Variants in EYS observed in about 807,000 individuals in gnomAD.
The protein encoded by EYS is protein eyes shut homolog.
A neutral mutation model predicts 282.1 loss-of-function variants in EYS; 250 were observed. That is an observed-to-expected ratio of 0.89 (90% CI 0.80 to 0.98). EYS has a LOEUF of 0.98. EYS is among the 50% of genes least tolerant of loss of function. The pLI, the probability that EYS is intolerant of heterozygous loss-of-function variation, is 0.00. For synonymous variants in EYS, 1,355 were observed against 1,282.9 expected (o/e 1.06, Z -1.20); for missense variants, 4,016 against 3,709.0 (o/e 1.08, Z -2.15).
At chr6:65,582,140 G>C (rs2127361243) in intron 2 of EYS, among the ~76,000 whole-genome samples, 1 of 151,802 alleles carries the variant, frequency 6.6e-6, no homozygotes, top group East Asian at 1.9e-4. Context: ...AGGTTGCAAT[G>C]AACTGAGATG....
chr6:63,974,319 A>T (rs1045712816), intron 35 of EYS, among the ~76,000 whole-genome samples: 8 of 150,938 alleles, frequency 5.3e-5, no homozygotes, highest in African/African-American at 1.7e-4. Flanking sequence ...TTTTCCTACT[A>T]AAAAAAACCA....
intron 29 of EYS, 107 bp from the exon 30 acceptor site, chr6:64,307,189 G>A: frequency 3.4e-6 from 2 of 587,450 alleles, no homozygotes; most frequent in Non-Finnish European, 5.9e-6. Context: ...TTTGGAGGCT[G>A]ATTTGATTTA....
chr6:65,350,398 T>C (rs1179737381), intron 9 of EYS, among the ~76,000 whole-genome samples: 1 of 151,500 alleles, frequency 6.6e-6, no homozygotes, highest in African/African-American at 2.4e-5. Flanking sequence ...CATTACTTTA[T>C]AAAGGAAAAA....
chr6:65,260,209 A>G (rs956876727), intron 12 of EYS, among the ~76,000 whole-genome samples: 3 of 152,034 alleles, frequency 2.0e-5, no homozygotes, highest in Non-Finnish European at 4.4e-5. Flanking sequence ...CTCACTCACT[A>G]TCAGAACAGC....
intron 1 of EYS, among the ~76,000 whole-genome samples, chr6:65,663,861 C>CTTTTTTTTT (rs1393753538): frequency 1.1e-5 from 1 of 90,866 alleles, no homozygotes; most frequent in Non-Finnish European, 2.4e-5. Context: ...TTTGTTTTTT[C>CTTTTTTTTT]TTTTCTTTTT....
chr6:64,682,816 T>G (rs1769946994), intron 22 of EYS, among the ~76,000 whole-genome samples: 1 of 152,182 alleles, frequency 6.6e-6, no homozygotes, highest in African/African-American at 2.4e-5. Flanking sequence ...TTAAATAAAC[T>G]TCCGCTCCTG....
intron 41 of EYS, among the ~76,000 whole-genome samples, chr6:63,729,936 G>A (rs1475593805): frequency 6.6e-6 from 1 of 152,048 alleles, no homozygotes; most frequent in Non-Finnish European, 1.5e-5. Flanking sequence ...TCTTCTGTCA[G>A]CTTCAGTTTT....
chr6:64,556,820 T>C (rs998398245), intron 26 of EYS, among the ~76,000 whole-genome samples: 6 of 151,922 alleles, frequency 3.9e-5, no homozygotes, highest in Non-Finnish European at 5.9e-5. Context: ...TGGCCTGTTA[T>C]CACTGAAAAC....
chr6:64,043,880 T>G (rs1420919400), intron 33 of EYS, among the ~76,000 whole-genome samples: 2 of 152,234 alleles, frequency 1.3e-5, no homozygotes, highest in East Asian at 3.8e-4. Context: ...TTATTTAATA[T>G]GCCACCATTA....
At chr6:65,007,387 A>G (rs1045052877) in intron 13 of EYS, among the ~76,000 whole-genome samples, 2 of 152,170 alleles carry the variant, frequency 1.3e-5, no homozygotes, top group Non-Finnish European at 2.9e-5. Context: ...AATGACTTAT[A>G]TTCTTCTGCA....
chr6:64,309,109 T>A (rs1034218952), intron 29 of EYS, among the ~76,000 whole-genome samples: 2 of 152,190 alleles, frequency 1.3e-5, no homozygotes, highest in African/African-American at 4.8e-5. Context: ...TGATAGTGAA[T>A]GTTCAAACTT....
chr6:64,481,406 G>GA (rs1312656077), intron 26 of EYS, among the ~76,000 whole-genome samples: 1 of 141,808 alleles, frequency 7.1e-6, no homozygotes, highest in Non-Finnish European at 1.6e-5. Flanking sequence ...GTTGCAGAGT[G>GA]AAAAAAATAC....
At chr6:64,019,850 GTA>G (rs35642018) in intron 33 of EYS, among the ~76,000 whole-genome samples, 62,934 of 143,282 alleles carry the variant, frequency 0.44, 14,279 homozygotes, top group African/African-American at 0.6. Flanking sequence ...GTATATATAA[GTA>G]TATATATATA....
chr6:64,867,263 A>G (rs1289890527), intron 19 of EYS, among the ~76,000 whole-genome samples: 8 of 151,742 alleles, frequency 5.3e-5, no homozygotes, highest in Non-Finnish European at 1.0e-4. Context: ...CAGATGAATT[A>G]TGTTTCAGAA....
chr6:65,415,024 T>A (rs888976934), intron 5 of EYS, among the ~76,000 whole-genome samples: 7 of 152,096 alleles, frequency 4.6e-5, no homozygotes, highest in African/African-American at 1.2e-4. Flanking sequence ...AAGAGTGTGA[T>A]GTTTTAAAAA....
At chr6:64,341,805 T>A (rs1295345660) in intron 29 of EYS, among the ~76,000 whole-genome samples, 1 of 151,672 alleles carries the variant, frequency 6.6e-6, no homozygotes, top group Non-Finnish European at 1.5e-5. Flanking sequence ...CATTAATCTC[T>A]ATGTCAGTGT....
intron 26 of EYS, among the ~76,000 whole-genome samples, chr6:64,573,769 G>A (rs1419226867): frequency 6.6e-6 from 1 of 152,120 alleles, no homozygotes; most frequent in Non-Finnish European, 1.5e-5. Context: ...TAAAAAGTCA[G>A]GAAACAACAG....
At chr6:64,465,903 T>A (rs1775901960) in intron 26 of EYS, among the ~76,000 whole-genome samples, 1 of 152,002 alleles carries the variant, frequency 6.6e-6, no homozygotes, top group Admixed American at 6.6e-5. Context: ...AACAACTCAG[T>A]AGCAAGAAAA....
chr6:65,116,549 A>T (rs564788014), intron 12 of EYS, among the ~76,000 whole-genome samples: 83 of 152,264 alleles, frequency 5.5e-4, no homozygotes, highest in African/African-American at 1.9e-3. Flanking sequence ...CTGGAGCAAG[A>T]TGCTGGCTAT....
Sources: allele counts gnomAD v4.1 joint callset (sites outside exome capture counted in the v4.1 genomes callset), GRCh38; gene constraint gnomAD v4.1.1; transcripts MANE v1.5; gene names NCBI Gene and HGNC (gene_info 2026-07-23, HGNC 2026-07-21).